VPS13B: variants seen among roughly 807,000 people sequenced by gnomAD.
VPS13B encodes the protein vacuolar protein sorting 13 homolog B, also known as intermembrane lipid transfer protein VPS13B.
VPS13B carries 285 observed loss-of-function variants against 426.4 expected under a neutral mutation model. The observed-to-expected ratio is 0.67, with a 90% CI of 0.61 to 0.74. The LOEUF (loss-of-function observed/expected upper bound fraction) is 0.74, where lower values mean the gene tolerates loss of function less well. VPS13B is among the 30% of genes least tolerant of loss of function. The pLI is 0.00. For missense variants in VPS13B, 4,537 were observed against 4,782.6 expected (o/e 0.95, Z 1.51); for synonymous variants, 1,676 against 1,676.4 (o/e 1.00, Z 0.01).
chr8:99,233,019 C>A, intron 17 of VPS13B: 1 of 900,636 alleles, frequency 1.1e-6, no homozygotes, highest in South Asian at 1.4e-5. Flanking sequence ...CTCCATTCAT[C>A]TGTTGTTTTG....
intron 30 of VPS13B, among the ~76,000 whole-genome samples, chr8:99,553,245 A>G (rs1824376989): frequency 6.6e-6 from 1 of 151,986 alleles, no homozygotes; most frequent in Non-Finnish European, 1.5e-5. Context: ...TTATTCTGTT[A>G]TTGGTGTTGG....
chr8:99,768,524 A>G (rs2130629896), intron 40 of VPS13B, among the ~76,000 whole-genome samples: 1 of 152,342 alleles, frequency 6.6e-6, no homozygotes, highest in African/African-American at 2.4e-5. Flanking sequence ...AAAATAAAAC[A>G]ATACTGCCCA....
chr8:99,256,108 A>G (rs145413675), intron 17 of VPS13B, among the ~76,000 whole-genome samples: 1 of 152,240 alleles, frequency 6.6e-6, no homozygotes, highest in African/African-American at 2.4e-5. Context: ...TTGGCTAAGG[A>G]GAACAGGTTG....
At chr8:99,568,670 C>T (rs755832235) in intron 31 of VPS13B, among the ~76,000 whole-genome samples, 16 of 152,030 alleles carry the variant, frequency 1.1e-4, no homozygotes, top group Non-Finnish European at 1.8e-4. Flanking sequence ...AGAAGAATAT[C>T]TAGGAATAGG....
chr8:99,072,167 A>G (rs4596618), intron 3 of VPS13B, among the ~76,000 whole-genome samples: 2 of 151,838 alleles, frequency 1.3e-5, no homozygotes, highest in Non-Finnish European at 2.9e-5. Context: ...TGGCCACCAC[A>G]GCTGGGAATA....
chr8:99,045,473 T>C lies in VPS13B; in HGVS notation c.291+6907T>C, dbSNP rs546387118. Among the ~76,000 whole-genome samples, 33 of 152,286 alleles carry C rather than the reference T, an allele frequency of 2.2e-4. No individual in the cohort carries two copies. In the East Asian group the frequency reaches 6.2e-3, roughly 28 times the overall value. ...ATTAGTCCGTTGTCAGATGTATAGA[T>C]TGTGAAGATTTTCTCCGACTCTGTG... On this transcript the variant is annotated intron_variant, in intron 3 of 61. Transcript: ENST00000357162.
chr8:99,665,088 ATG>A (rs1233691349), intron 35 of VPS13B, among the ~76,000 whole-genome samples: 1 of 152,006 alleles, frequency 6.6e-6, no homozygotes, highest in African/African-American at 2.4e-5. Context: ...GCATTTTTTC[ATG>A]TGTTTTTTGG....
chr8:99,496,914 T>G (rs1473582974), intron 25 of VPS13B, among the ~76,000 whole-genome samples: 1 of 151,758 alleles, frequency 6.6e-6, no homozygotes, highest in East Asian at 1.9e-4. Flanking sequence ...TTAGGCAAAT[T>G]ATTTAGTGTT....
intron 2 of VPS13B, among the ~76,000 whole-genome samples, chr8:99,017,519 G>C (rs1445242424): frequency 2.0e-5 from 3 of 150,372 alleles, no homozygotes; most frequent in Admixed American, 1.3e-4. Context: ...TTTTGAGACA[G>C]AGTCTTGCTC....
chr8:99,787,589 C>A (rs1812331195), intron 43 of VPS13B, among the ~76,000 whole-genome samples: 1 of 152,090 alleles, frequency 6.6e-6, no homozygotes, highest in Non-Finnish European at 1.5e-5. Flanking sequence ...GACTGGTCTT[C>A]AAAGAAGTAT....
chr8:99,507,122 A>G lies in VPS13B; in HGVS notation c.4158-15A>G. 1 of 1,613,848 alleles carries G rather than the reference A, an allele frequency of 6.2e-7. No homozygotes were observed. The highest frequency in any genetic ancestry group is 8.5e-7 in the Non-Finnish European group (1 of 1,179,796). ...AAATTGAAGAGAACAGATAAGGTGA[A>G]CTTATGTTTTCCAGGCCAGGGGAAG... On this transcript the variant is annotated splice_polypyrimidine_tract_variant and intron_variant, in intron 27 of 61. Coordinates refer to ENST00000357162, the MANE Select transcript of VPS13B (RefSeq NM_152564.5).
intron 39 of VPS13B, among the ~76,000 whole-genome samples, chr8:99,722,326 G>A (rs185860077): frequency 3.3e-5 from 5 of 152,116 alleles, no homozygotes; most frequent in Admixed American, 6.5e-5. Flanking sequence ...GTTTACTTGC[G>A]TGTGATCTTT....
chr8:99,050,182 C>G (rs1020224527), intron 3 of VPS13B, among the ~76,000 whole-genome samples: 2 of 151,924 alleles, frequency 1.3e-5, no homozygotes, highest in Non-Finnish European at 2.9e-5. Context: ...TATCGCTCCC[C>G]CCTCCCCCCA....
At chr8:99,817,452 A>C in intron 44 of VPS13B, 88 bp from the exon 45 acceptor site, 4 of 1,514,000 alleles carry the variant, frequency 2.6e-6, no homozygotes, top group East Asian at 2.3e-5. Flanking sequence ...CATTAACATC[A>C]ACATAGTTTA....
chr8:99,555,779 C>A (rs1824530092), intron 30 of VPS13B, among the ~76,000 whole-genome samples: 1 of 152,066 alleles, frequency 6.6e-6, no homozygotes, highest in African/African-American at 2.4e-5. Flanking sequence ...TAGCAGTGGA[C>A]CCAATAGGAT....
At chr8:99,406,620 A>T (rs555566309) in intron 21 of VPS13B, among the ~76,000 whole-genome samples, 22 of 152,324 alleles carry the variant, frequency 1.4e-4, no homozygotes, top group African/African-American at 5.3e-4. Flanking sequence ...TTGAATTATT[A>T]TAAGAATGAT....
At chr8:99,404,760 C>T (rs141040457) in intron 21 of VPS13B, among the ~76,000 whole-genome samples, 1 of 152,154 alleles carries the variant, frequency 6.6e-6, no homozygotes, top group African/African-American at 2.4e-5. Flanking sequence ...GACCAAAACA[C>T]CTAAGTTTTT....
rs1478532246 is a variant in VPS13B, at chr8:99,853,433, T to C, written c.10062-18T>C. The stretch of plus-strand genomic sequence containing the variant: ...AGGTGAGTGGGGGGACTAATGTTCT[T>C]GTCCCTTTCTCCTCTAGAGCGCCAG... On this transcript the variant is annotated intron_variant, in intron 55 of 61. Transcript: ENST00000357162. The C allele has an allele frequency of 6.2e-7, 1 of 1,612,638 alleles. No individual in the cohort carries two copies. The highest frequency in any genetic ancestry group is 1.7e-5 in the Admixed American group (1 of 60,028).
intron 54 of VPS13B, among the ~76,000 whole-genome samples, chr8:99,846,688 A>G (rs1351510505): frequency 6.6e-6 from 1 of 152,238 alleles, no homozygotes; most frequent in African/African-American, 2.4e-5. Context: ...GTTTTTTGCC[A>G]GAAGAAGTAC....
Sources: allele counts gnomAD v4.1 joint callset (sites outside exome capture counted in the v4.1 genomes callset), GRCh38; gene constraint gnomAD v4.1.1; transcripts MANE v1.5; gene names NCBI Gene and HGNC (gene_info 2026-07-23, HGNC 2026-07-21).